Variants in ANTXRL observed in about 807,000 individuals in gnomAD.
ANTXRL encodes anthrax toxin receptor-like.
ANTXRL carries 63 observed loss-of-function variants against 75.4 expected under a neutral mutation model. The observed-to-expected ratio is 0.84, with a 90% CI of 0.68 to 1.03. The LOEUF (loss-of-function observed/expected upper bound fraction) is 1.03. ANTXRL is among the 50% of genes least tolerant of loss of function. ANTXRL has a pLI of 0.00. For missense variants in ANTXRL, 797 were observed against 789.4 expected (o/e 1.01, Z -0.12); for synonymous variants, 335 against 291.3 (o/e 1.15, Z -1.53).
intron 16 of ANTXRL, among the ~76,000 whole-genome samples, chr10:46,324,427 G>A (rs1554966096): frequency 2.0e-5 from 3 of 152,132 alleles, no homozygotes; most frequent in Non-Finnish European, 2.9e-5. Context: ...GGAAATCTTG[G>A]TATTATAATC....
chr10:46,299,002 T>C (rs1187875562), intron 9 of ANTXRL, among the ~76,000 whole-genome samples: 1 of 151,804 alleles, frequency 6.6e-6, no homozygotes, highest in Non-Finnish European at 1.5e-5. Flanking sequence ...CAACGGTAAG[T>C]TTAACTCTAA....
chr10:46,310,181 T>C (rs2999458), intron 13 of ANTXRL, among the ~76,000 whole-genome samples: 77,768 of 151,808 alleles, frequency 0.51, 20,915 homozygotes, highest in African/African-American at 0.71. Context: ...AGGACACTTG[T>C]AGGGGCTGGG....
chr10:46,307,566 C>G, intron 12 of ANTXRL, 86 bp downstream of exon 12: 1 of 1,246,846 alleles, frequency 8.0e-7, no homozygotes, highest in Non-Finnish European at 1.1e-6. Context: ...GCAGACCGTT[C>G]CCAGGCAGTC....
At chr10:46,319,251 A>C (rs555832175) in intron 16 of ANTXRL, among the ~76,000 whole-genome samples, 2 of 152,272 alleles carry the variant, frequency 1.3e-5, no homozygotes, top group African/African-American at 4.8e-5. Context: ...TTGGGCATTG[A>C]TGCCACTCTC....
chr10:46,322,457 C>CA (rs797036561), intron 16 of ANTXRL, among the ~76,000 whole-genome samples: 2,555 of 90,264 alleles, frequency 0.028, 38 homozygotes, highest in African/African-American at 0.077. Flanking sequence ...GACTCCATCT[C>CA]AAAAAAAAAA....
chr10:46,305,633 G>A (rs1269154241), intron 10 of ANTXRL, among the ~76,000 whole-genome samples: 3 of 152,128 alleles, frequency 2.0e-5, no homozygotes, highest in Non-Finnish European at 2.9e-5. Flanking sequence ...GATGCAGCAG[G>A]GCCCACGCCC....
chr10:46,293,297 C>T (rs149052699), intron 2 of ANTXRL, among the ~76,000 whole-genome samples: 439 of 36,514 alleles, frequency 0.012, 3 homozygotes, highest in African/African-American at 0.03. Context: ...TGCGTGTGTG[C>T]CTGTGTGTGT....
chr10:46,301,152 C>T (rs1228317337), intron 9 of ANTXRL, among the ~76,000 whole-genome samples: 8 of 152,244 alleles, frequency 5.3e-5, no homozygotes, highest in African/African-American at 1.4e-4. Flanking sequence ...GACCAAGGGG[C>T]GCAGGCCACA....
At chr10:46,328,354 G>C (rs1839328633) in intron 16 of ANTXRL, among the ~76,000 whole-genome samples, 1 of 152,262 alleles carries the variant, frequency 6.6e-6, no homozygotes, top group East Asian at 1.9e-4. Context: ...TAAGCCCCAA[G>C]AGAACAGCCT....
Position 46,309,204 on chromosome 10 carries a change from C to T in ANTXRL, c.1134+2C>T, listed in dbSNP as rs1838279193. ...GTCTGGCGGCTGTGCCGCAAGCAGG[C>T]AAGTGCTCCCTGCCCGCCCAGCTCT... On this transcript the variant is annotated splice_donor_variant, in intron 13 of 16. Transcript: ENST00000620264. LOFTEE classifies it low-confidence loss of function (GC_TO_GT_DONOR). The T allele has an allele frequency of 2.6e-6, 4 of 1,535,570 alleles. No homozygotes were observed. Among genetic ancestry groups the T allele is most frequent in the African/African-American group, 2.7e-5 (2 of 73,004 alleles).
chr10:46,315,462 A>G (rs1554964492), intron 16 of ANTXRL, among the ~76,000 whole-genome samples: 2 of 152,152 alleles, frequency 1.3e-5, no homozygotes, highest in Admixed American at 1.3e-4. Context: ...CTGTCTCTTC[A>G]CTGCAGAGTG....
chr10:46,313,398 C>CAG, intron 16 of ANTXRL, 82 bp downstream of exon 16: 1 of 1,388,536 alleles, frequency 7.2e-7, no homozygotes. Flanking sequence ...GATTGGGGCT[C>CAG]AGAGAGCCAT....
At chr10:46,327,556 G>T (rs1320186914) in intron 16 of ANTXRL, among the ~76,000 whole-genome samples, 1 of 152,098 alleles carries the variant, frequency 6.6e-6, no homozygotes, top group South Asian at 2.1e-4. Flanking sequence ...GACTAGCAGG[G>T]CAGGGGCAGG....
intron 16 of ANTXRL, among the ~76,000 whole-genome samples, chr10:46,317,790 G>T (rs1186528842): frequency 5.9e-5 from 9 of 152,092 alleles, no homozygotes; most frequent in African/African-American, 1.9e-4. Context: ...CAAAGCACTG[G>T]CAATTAAGGT....
At chr10:46,310,567 C>A in intron 14 of ANTXRL, 68 bp downstream of exon 14, 1 of 1,464,226 alleles carries the variant, frequency 6.8e-7, no homozygotes, top group Non-Finnish European at 9.2e-7. Flanking sequence ...CCAAGAGTGC[C>A]ATGAAGCCTG....
Position 46,329,844 on chromosome 10 carries a change from C to G in ANTXRL, c.1656C>G (p.Ser552Arg). 3 of 1,535,162 alleles carry G rather than the reference C, an allele frequency of 2.0e-6. No homozygotes were observed. The highest frequency in any genetic ancestry group is 2.4e-5 in the East Asian group (1 of 40,844). Reference protein sequence around the residue: ...ECLARKQAPCSPRICLRHSPE... With the variant: ...ECLARKQAPCRPRICLRHSPE... ...TTGCCCGCAAACAGGCTCCCTGCAG[C>G]CCAAGGATCTGCCTGAGACACAGCC... The change falls in exon 17 of 17, where the codon AGC (serine) becomes AGG (arginine). Residue 552 changes from serine (S) to arginine (R), a missense_variant. Physicochemically the swap from Ser to Arg is moderately radical, Grantham distance 110. Transcript: ENST00000620264.
chr10:46,303,773 T>C (rs1837899583), intron 10 of ANTXRL, among the ~76,000 whole-genome samples: 1 of 152,092 alleles, frequency 6.6e-6, no homozygotes, highest in Non-Finnish European at 1.5e-5. Context: ...AGGAAGCGCA[T>C]AGTCCAGGCA....
intron 5 of ANTXRL, among the ~76,000 whole-genome samples, 182 bp downstream of exon 5, chr10:46,296,434 A>T (rs1837381261): frequency 6.6e-6 from 1 of 152,134 alleles, no homozygotes; most frequent in Non-Finnish European, 1.5e-5. Context: ...CCCTCACCCC[A>T]TGGAGTTCTG....
At chr10:46,320,842 C>T (rs1838945031) in intron 16 of ANTXRL, among the ~76,000 whole-genome samples, 1 of 152,070 alleles carries the variant, frequency 6.6e-6, no homozygotes, top group Non-Finnish European at 1.5e-5. Flanking sequence ...TTAAAAAGTA[C>T]CCTACTGAAT....
Sources: allele counts gnomAD v4.1 joint callset (sites outside exome capture counted in the v4.1 genomes callset), GRCh38; gene constraint gnomAD v4.1.1; transcripts MANE v1.5; gene names NCBI Gene and HGNC (gene_info 2026-07-23, HGNC 2026-07-21).